PHF14: variants seen among roughly 807,000 people sequenced by gnomAD.
The protein encoded by PHF14 is PHD finger protein 14.
In PHF14, 55 loss-of-function variants were observed where a neutral mutation model predicts 117.9. That is an observed-to-expected ratio of 0.47 (90% confidence interval 0.38 to 0.58). The LOEUF is 0.58. Ranked by LOEUF, PHF14 falls within the 20% of genes least tolerant of loss-of-function variation. The pLI, the probability that PHF14 is intolerant of heterozygous loss-of-function variation, is 0.00. For synonymous variants in PHF14, 409 were observed against 368.6 expected, an observed-to-expected ratio of 1.11 and a Z score of -1.26; for missense variants, 978 against 1,122.2, an observed-to-expected ratio of 0.87 and a Z score of 1.84.
intron 17 of PHF14, among the ~76,000 whole-genome samples, chr7:11,125,420 A>G (rs1217608728): frequency 1.3e-5 from 2 of 152,088 alleles, no homozygotes; most frequent in Non-Finnish European, 2.9e-5. Context: ...TTGCAGTACA[A>G]GTTTCTCTTC....
At chr7:11,158,154 C>T (rs578243949) in intron 17 of PHF14, among the ~76,000 whole-genome samples, 1 of 152,174 alleles carries the variant, frequency 6.6e-6, no homozygotes, top group East Asian at 1.9e-4. Flanking sequence ...CACTAGTGTT[C>T]TTTCTCTGGA....
chr7:11,161,840 T>G (rs1027409499), intron 17 of PHF14, among the ~76,000 whole-genome samples: 4 of 150,036 alleles, frequency 2.7e-5, no homozygotes, highest in Admixed American at 2.7e-4. Flanking sequence ...ATATTATAAA[T>G]GAAGGAAAGT....
chr7:10,990,696 A>C lies in PHF14; in HGVS notation c.901-7A>C. ...TTTTCTGATATATGTTAATATTTTA[A>C]TATTAGGACTCGCTGATTCTTGAGA... On this transcript the variant is annotated splice_polypyrimidine_tract_variant and splice_region_variant and intron_variant, in intron 3 of 17. Transcript: ENST00000634607. 6.7e-7 allele frequency: 1 copy of C among 1,484,574 alleles called. No individual in the cohort carries two copies. The highest frequency in any genetic ancestry group is 9.1e-7 in the Non-Finnish European group (1 of 1,097,288). 92.0% of individuals were successfully genotyped at this position (1,484,574 alleles called of 1,614,324 possible).
At chr7:11,059,740 A>G (rs1331283278) in intron 14 of PHF14, among the ~76,000 whole-genome samples, 1 of 152,110 alleles carries the variant, frequency 6.6e-6, no homozygotes, top group Non-Finnish European at 1.5e-5. Context: ...CTGCCACTGC[A>G]CTCCAGTCTG....
At chr7:11,039,586 A>G (rs957145303) in intron 11 of PHF14, among the ~76,000 whole-genome samples, 7 of 152,182 alleles carry the variant, frequency 4.6e-5, no homozygotes, top group Non-Finnish European at 7.4e-5. Flanking sequence ...TCCTTTCACT[A>G]AAAAGTAGTT....
At chr7:11,088,418 G>GCATGCA (rs1554270437) in intron 16 of PHF14, among the ~76,000 whole-genome samples, 39 of 150,564 alleles carry the variant, frequency 2.6e-4, no homozygotes, top group Non-Finnish European at 4.1e-4. Context: ...ACACACACAC[G>GCATGCA]CACACACACA....
At chr7:11,076,982 T>C (rs1037385817) in intron 16 of PHF14, among the ~76,000 whole-genome samples, 40 of 152,006 alleles carry the variant, frequency 2.6e-4, no homozygotes, top group African/African-American at 8.7e-4. Flanking sequence ...GTTGTACTTA[T>C]GTTGTATGTG....
At chr7:11,038,967 C>G (rs1784411173) in intron 11 of PHF14, 112 bp downstream of exon 11, 1 of 489,682 alleles carries the variant, frequency 2.0e-6, no homozygotes, top group Non-Finnish European at 3.7e-6. Context: ...TCTGTTTGAT[C>G]AGGGCCTAAT....
At chr7:11,162,751 G>C (rs910817742) in intron 17 of PHF14, among the ~76,000 whole-genome samples, 11 of 149,794 alleles carry the variant, frequency 7.3e-5, no homozygotes, top group Non-Finnish European at 1.3e-4. Flanking sequence ...GCCCAGGCTG[G>C]AGTGCATTGG....
intron 16 of PHF14, among the ~76,000 whole-genome samples, chr7:11,069,304 T>C (rs2128332286): frequency 6.6e-6 from 1 of 152,194 alleles, no homozygotes; most frequent in East Asian, 1.9e-4. Context: ...TTCCTGCTGT[T>C]TTATGGACCC....
chr7:11,081,229 T>C (rs1786087787), intron 16 of PHF14, among the ~76,000 whole-genome samples: 1 of 152,282 alleles, frequency 6.6e-6, no homozygotes, highest in South Asian at 2.1e-4. Context: ...AAAATCAAAG[T>C]AGTAAAACTT....
chr7:10,978,229 T>C (rs1489039515), intron 2 of PHF14, among the ~76,000 whole-genome samples: 3 of 152,210 alleles, frequency 2.0e-5, no homozygotes, highest in South Asian at 2.1e-4. Flanking sequence ...CTAGATGTTA[T>C]GGTGAATTTA....
intron 16 of PHF14, among the ~76,000 whole-genome samples, chr7:11,093,439 T>A (rs919977793): frequency 5.9e-5 from 9 of 152,144 alleles, no homozygotes; most frequent in Non-Finnish European, 1.2e-4. Context: ...TTCTTGTTGC[T>A]CTGCTTACCT....
intron 17 of PHF14, among the ~76,000 whole-genome samples, chr7:11,122,410 C>CACGTATATATATAT (rs1787799750): frequency 8.2e-6 from 1 of 122,536 alleles, no homozygotes; most frequent in Non-Finnish European, 1.7e-5. Context: ...TATATATATA[C>CACGTATATATATAT]ACGTATATAT....
chr7:11,017,315 A>G (rs1007910751), intron 5 of PHF14, among the ~76,000 whole-genome samples: 3 of 152,182 alleles, frequency 2.0e-5, no homozygotes, highest in African/African-American at 7.2e-5. Context: ...AGGAACCTCC[A>G]AAGTTTTCTT....
In PHF14 at chr7:11,148,117, T is replaced by G. The variant is rs113116656; in HGVS notation, c.2773-21299T>G. The stretch of plus-strand genomic sequence containing the variant: ...TTACAGTACTCCAAGTTACCATCAT[T>G]CCTGATCTGTTTGCAGTAGACTGCT... On this transcript the variant is annotated intron_variant, in intron 17 of 17. Coordinates refer to ENST00000634607, the MANE Select transcript of PHF14 (RefSeq NM_001007157.2). 1.8e-3 allele frequency among the ~76,000 whole-genome samples: 279 copies of G among 152,312 alleles called. 2 individuals carry two copies. Among genetic ancestry groups the G allele is most frequent in the African/African-American group, 6.2e-3 (259 of 41,570 alleles).
chr7:11,022,036 A>C (rs1027474386), intron 5 of PHF14, among the ~76,000 whole-genome samples: 9 of 152,102 alleles, frequency 5.9e-5, no homozygotes, highest in African/African-American at 1.9e-4. Flanking sequence ...TAAATTTCAA[A>C]GTCAGTGATG....
chr7:11,162,377 A>G (rs1021015188), intron 17 of PHF14, among the ~76,000 whole-genome samples: 2 of 152,148 alleles, frequency 1.3e-5, no homozygotes, highest in African/African-American at 2.4e-5. Context: ...GGTGTGAGCC[A>G]TGGCGCCTAG....
At position 10,996,233 on chromosome 7, in the gene PHF14, G is replaced by T. The variant is rs1782641969; in HGVS notation, c.1045+5386G>T. Among the ~76,000 whole-genome samples, 3 of 152,302 alleles carry T rather than the reference G, an allele frequency of 2.0e-5. No individual in the cohort carries two copies. The South Asian group carries it at 6.2e-4, about 32-fold the overall frequency. On this transcript the variant is annotated intron_variant, in intron 4 of 17. Transcript: ENST00000634607. ...AGGTGGGAAACTAGGAAAATATTTA[G>T]GAGACCATTGCAATTATCTAAGAGA...
Sources: gnomAD v4.1 joint callset for allele counts (sites outside exome capture counted in the v4.1 genomes callset) on GRCh38, gnomAD v4.1.1 for gene constraint, MANE v1.5 for transcripts, NCBI Gene and HGNC (gene_info 2026-07-23, HGNC 2026-07-21) for gene names.